The following CACNA1H variants were observed in gnomAD, a reference collection of about 807,000 sequenced individuals.
The protein encoded by CACNA1H is voltage-dependent T-type calcium channel subunit alpha-1H.
CACNA1H carries 149 observed loss-of-function variants against 192.5 expected under a neutral mutation model. The observed-to-expected ratio is 0.77, with a 90% CI of 0.68 to 0.89. CACNA1H has a LOEUF of 0.89. CACNA1H is among the 40% of genes least tolerant of loss of function. The probability of loss-of-function intolerance (pLI) is 0.00; values close to 1 mark genes in which losing one functional copy is unlikely to be tolerated. For missense variants in CACNA1H, 4,257 were observed against 3,423.5 expected, an observed-to-expected ratio of 1.24 and a Z score of -6.08; for synonymous variants, 2,202 against 1,475.2, an observed-to-expected ratio of 1.49 and a Z score of -11.29.
chr16:1,203,665 T>G (rs960156272), intron 9 of CACNA1H, among the ~76,000 whole-genome samples: 1 of 152,262 alleles, frequency 6.6e-6, no homozygotes, highest in Non-Finnish European at 1.5e-5. Context: ...AGGGGAGAAC[T>G]CTCCTCGCCT....
At chr16:1,199,723 C>G (rs1400271063) in intron 6 of CACNA1H, among the ~76,000 whole-genome samples, 1 of 150,916 alleles carries the variant, frequency 6.6e-6, no homozygotes, top group East Asian at 2.0e-4. Context: ...CAGCCTTCAC[C>G]CCAGGGTCCC....
At chr16:1,188,858 C>T (rs1455389130) in intron 2 of CACNA1H, among the ~76,000 whole-genome samples, 1 of 152,196 alleles carries the variant, frequency 6.6e-6, no homozygotes, top group Non-Finnish European at 1.5e-5. Context: ...AGGACAGGCC[C>T]AGGCGAGGCT....
Position 1,200,316 on chromosome 16 carries a change from G to C in CACNA1H, c.864G>C (p.Pro288=), listed in dbSNP as rs369201438. Residue 288 remains proline (P), a synonymous_variant, in exon 7 of 35, where the codon CCG becomes CCC. Transcript: ENST00000348261. Reference sequence around the variant, plus strand: ...AGACGGAGGAGGGCGAGGAGAACCCGTTCATCTGCTCCTCACGCCGAGACA... The same window carrying C: ...AGACGGAGGAGGGCGAGGAGAACCCCTTCATCTGCTCCTCACGCCGAGACA... ...YYQTEEGEEN[P]FICSSRRDNG... The C allele has an allele frequency of 6.2e-6, 10 of 1,605,806 alleles. No homozygotes were observed. The African/African-American group carries it at 1.1e-4, about 17-fold the overall frequency.
At chr16:1,154,244 C>T (rs1961987366) in intron 2 of CACNA1H, among the ~76,000 whole-genome samples, 1 of 151,960 alleles carries the variant, frequency 6.6e-6, no homozygotes, top group Non-Finnish European at 1.5e-5. Context: ...CGGGCGCCTC[C>T]GGACTCCCTT....
Position 1,218,568 on chromosome 16 carries a change from G to T in CACNA1H, c.5804G>T (p.Arg1935Met). ...LSLPNDSYMF[R>M]PVVPASAPHP... ...CTGCCCAACGACAGCTACATGTTCA[G>T]GCCCGTGGTGCCTGCCTCGGCGCCC... The change falls in exon 33 of 35, where the codon AGG (arginine) becomes ATG (methionine). Residue 1935 changes from arginine to methionine, a missense_variant. By Grantham distance (91) the Arg-to-Met change is moderately conservative (BLOSUM62 -1). Coordinates refer to ENST00000348261, the MANE Select transcript of CACNA1H (RefSeq NM_021098.3). 1 of 1,564,610 alleles carries T rather than the reference G, an allele frequency of 6.4e-7. No individual in the cohort carries two copies. The highest frequency in any genetic ancestry group is 1.9e-5 in the Admixed American group (1 of 52,738).
At position 1,209,424 on chromosome 16, in the gene CACNA1H, G is replaced by C; in HGVS notation, c.3744+12G>C. The C allele has an allele frequency of 1.3e-6, 2 of 1,593,714 alleles. No individual in the cohort carries two copies. The highest frequency in any genetic ancestry group is 1.1e-5 in the South Asian group (1 of 90,858). On this transcript the variant is annotated intron_variant, in intron 17 of 34. Transcript: ENST00000348261. ...ACGACTCGGAGGACGTGAGTGCGTG[G>C]CCCTGGGCCCACCGCCGACTCGCCT... is the stretch of plus-strand genomic sequence containing the variant.
At chr16:1,155,745 C>G (rs138118054) in intron 2 of CACNA1H, among the ~76,000 whole-genome samples, 6 of 152,132 alleles carry the variant, frequency 3.9e-5, no homozygotes, top group Admixed American at 6.5e-5. Context: ...TCTGGGCTGG[C>G]TGTGTGTCTC....
intron 2 of CACNA1H, among the ~76,000 whole-genome samples, chr16:1,181,696 G>A (rs775172789): frequency 4.6e-5 from 7 of 152,214 alleles, no homozygotes; most frequent in African/African-American, 1.2e-4. Context: ...AGCTGTCCGC[G>A]TGTGCTCCAG....
At chr16:1,195,225 G>T in intron 3 of CACNA1H, 142 bp downstream of exon 3, 1 of 906,030 alleles carries the variant, frequency 1.1e-6, no homozygotes, top group South Asian at 1.7e-5. Context: ...GAGGTTCACG[G>T]CGGGGCGCGA....
chr16:1,185,792 T>C (rs28645191), intron 2 of CACNA1H, among the ~76,000 whole-genome samples: 5 of 1,134 alleles, frequency 4.4e-3, no homozygotes, highest in Admixed American at 8.9e-3. Flanking sequence ...GGGGTGTGTA[T>C]GGGGCGGGTG....
rs373468095 is a variant in CACNA1H, at chr16:1,195,748, C to T, written c.546-178C>T. Among the ~76,000 whole-genome samples, 93 of 152,276 alleles carry T rather than the reference C, an allele frequency of 6.1e-4. 1 individual carries two copies. The highest frequency in any genetic ancestry group is 2.0e-3 in the African/African-American group (82 of 41,542). ...CCTGGGCACAGGTGAGGGAGGTGGC[C>T]TCCTGATGTGACCAAGCGTTGTGCT... On this transcript the variant is annotated intron_variant, in intron 4 of 34. Coordinates refer to ENST00000348261, the MANE Select transcript of CACNA1H (RefSeq NM_021098.3).
chr16:1,217,020 T>A lies in CACNA1H; in HGVS notation c.5323+10T>A. ...CTGTTCGGGAGGCTGGGTGAGTGGC[T>A]CCTGCGCCCTCCTCCTGGCACACAT... is the stretch of plus-strand genomic sequence containing the variant. On this transcript the variant is annotated intron_variant, in intron 31 of 34. Transcript: ENST00000348261. 1 of 1,576,900 alleles carries A rather than the reference T, an allele frequency of 6.3e-7. No individual in the cohort carries two copies. Among genetic ancestry groups the A allele is most frequent in the Non-Finnish European group, 8.6e-7 (1 of 1,160,686 alleles).
At chr16:1,216,750 G>A (rs1448585292) in intron 30 of CACNA1H, among the ~76,000 whole-genome samples, 182 bp from the exon 31 acceptor site, 1 of 152,128 alleles carries the variant, frequency 6.6e-6, no homozygotes, top group Non-Finnish European at 1.5e-5. Flanking sequence ...AGAGGGGCAT[G>A]GGGCTGAGGA....
At chr16:1,204,493 G>T in intron 10 of CACNA1H, 35 bp downstream of exon 10, 1 of 1,496,318 alleles carries the variant, frequency 6.7e-7, no homozygotes, top group Middle Eastern at 1.9e-4. Context: ...TGGGCTCCCT[G>T]TCAGGCTTGC....
chr16:1,200,642 C>T lies in CACNA1H; in HGVS notation c.1119+71C>T. 7 of 1,588,254 alleles carry T rather than the reference C, an allele frequency of 4.4e-6. 1 individual carries two copies. Among genetic ancestry groups the T allele is most frequent in the Middle Eastern group, 1.7e-4 (1 of 5,922 alleles). On this transcript the variant is annotated intron_variant, in intron 7 of 34. Transcript: ENST00000348261. Reference sequence around the variant, plus strand: ...GAGCGGGTGCAGGACTCGCCCCCCCCAGCCCAGACCCCAGGGGCACGGGGA... The same window carrying T: ...GAGCGGGTGCAGGACTCGCCCCCCCTAGCCCAGACCCCAGGGGCACGGGGA...
intron 2 of CACNA1H, among the ~76,000 whole-genome samples, chr16:1,175,750 G>A (rs1056842674): frequency 1.3e-4 from 20 of 152,344 alleles, no homozygotes; most frequent in African/African-American, 4.1e-4. Flanking sequence ...TGAGGGCTGC[G>A]TAGGAGTGTT....
At position 1,209,138 on chromosome 16, in the gene CACNA1H, G is replaced by A. The variant is rs772040768; in HGVS notation, c.3470G>A (p.Arg1157His). ...SLGRAPSLKR[R>H]GQCGERESLL... ...GGCCGTGCCCCCAGCCTCAAGCGCC[G>A]CGGCCAGTGTGGGGAACGTGAGTCC... Residue 1157 changes from arginine to histidine, a missense_variant, in exon 17 of 35, where the codon CGC becomes CAC. Coordinates refer to ENST00000348261, the MANE Select transcript of CACNA1H (RefSeq NM_021098.3). 3.0e-5 allele frequency: 46 copies of A among 1,553,302 alleles called. No homozygotes were observed. The highest frequency in any genetic ancestry group is 1.7e-4 in the Middle Eastern group (1 of 6,008).
rs1438281515 is a variant in CACNA1H, at chr16:1,204,051, C to T, written c.2044C>T (p.Pro682Ser). Residue 682 changes from proline to serine, a missense_variant, in exon 10 of 35, where the codon CCC becomes TCC. Physicochemically the swap from Pro to Ser is moderately conservative, Grantham distance 74. Transcript: ENST00000348261. ...TGGCCATCTGTCGGGCCTCAGTGTG[C>T]CCTGCCCCCTGCCCAGCCCCCCAGC... is the stretch of plus-strand genomic sequence containing the variant. ...APGHLSGLSV[P>S]CPLPSPPAGT... 6.3e-7 allele frequency: 1 copy of T among 1,587,906 alleles called. No homozygotes were observed. The highest frequency in any genetic ancestry group is 2.3e-5 in the East Asian group (1 of 43,494).
intron 30 of CACNA1H, among the ~76,000 whole-genome samples, chr16:1,216,493 G>A (rs971054988): frequency 1.3e-5 from 2 of 152,090 alleles, no homozygotes; most frequent in African/African-American, 2.4e-5. Flanking sequence ...CCCACCTGCC[G>A]GGACCCCTCA....
Sources: gnomAD v4.1 joint callset for allele counts (sites outside exome capture counted in the v4.1 genomes callset) on GRCh38, gnomAD v4.1.1 for gene constraint, MANE v1.5 for transcripts, NCBI Gene and HGNC (gene_info 2026-07-23, HGNC 2026-07-21) for gene names.